The following MARCHF1 variants were observed in gnomAD, a reference collection of about 807,000 sequenced individuals.
MARCHF1 encodes membrane associated ring-CH-type finger 1.
MARCHF1 carries 40 observed loss-of-function variants against 54.2 expected under a neutral mutation model. The ratio of observed to expected loss-of-function variants is 0.74; its 90% confidence interval spans 0.57 to 0.96. The LOEUF (loss-of-function observed/expected upper bound fraction) is 0.96. Among genes scored for constraint, MARCHF1 ranks in the 40% least tolerant of loss-of-function variants. MARCHF1 has a pLI of 0.00. For missense variants in MARCHF1, 586 were observed against 656.5 expected (o/e 0.89, Z 1.17); for synonymous variants, 236 against 236.3 (o/e 1.00, Z 0.01).
At chr4:164,145,960 C>G (rs371204821) in intron 1 of MARCHF1, among the ~76,000 whole-genome samples, 8,866 of 79,746 alleles carry the variant, frequency 0.11, 630 homozygotes, top group African/African-American at 0.21. Flanking sequence ...AGCTGATAAG[C>G]AACTTCAGCA....
intron 2 of MARCHF1, among the ~76,000 whole-genome samples, chr4:164,071,558 T>C (rs548054258): frequency 6.6e-6 from 1 of 152,320 alleles, no homozygotes; most frequent in African/African-American, 2.4e-5. Flanking sequence ...TTTTATATAA[T>C]ACATATTTTT....
chr4:164,155,596 C>T (rs1303445749), intron 1 of MARCHF1, among the ~76,000 whole-genome samples: 1 of 151,938 alleles, frequency 6.6e-6, no homozygotes, highest in African/African-American at 2.4e-5. Flanking sequence ...AGTCGAATAC[C>T]ACATGTTCTC....
intron 4 of MARCHF1, among the ~76,000 whole-genome samples, chr4:163,739,884 A>C (rs1043799766): frequency 4.6e-5 from 7 of 152,192 alleles, no homozygotes; most frequent in African/African-American, 1.4e-4. Context: ...TCCTCATTAC[A>C]CACCTTACAG....
chr4:163,917,602 T>C (rs1751337918), intron 3 of MARCHF1, among the ~76,000 whole-genome samples: 1 of 152,162 alleles, frequency 6.6e-6, no homozygotes, highest in Non-Finnish European at 1.5e-5. Context: ...TTCCTGATAC[T>C]AAATTTAATT....
intron 1 of MARCHF1, among the ~76,000 whole-genome samples, chr4:164,261,450 T>C (rs1442260962): frequency 1.3e-5 from 2 of 152,140 alleles, no homozygotes; most frequent in Non-Finnish European, 2.9e-5. Context: ...CTTAAAAAAA[T>C]TATGGTAACT....
chr4:163,784,196 C>T (rs1421425604), intron 4 of MARCHF1, among the ~76,000 whole-genome samples: 2 of 146,892 alleles, frequency 1.4e-5, no homozygotes, highest in African/African-American at 2.5e-5. Flanking sequence ...AATACCTCTT[C>T]TAGATTTTTG....
At chr4:163,960,336 T>A (rs1446351360) in intron 3 of MARCHF1, among the ~76,000 whole-genome samples, 2 of 151,922 alleles carry the variant, frequency 1.3e-5, no homozygotes, top group Non-Finnish European at 2.9e-5. Context: ...AATCATTCTA[T>A]CATAAAGACA....
At chr4:164,001,162 C>A (rs1753179497) in intron 2 of MARCHF1, among the ~76,000 whole-genome samples, 1 of 151,652 alleles carries the variant, frequency 6.6e-6, no homozygotes, top group African/African-American at 2.4e-5. Flanking sequence ...ATAAATTACC[C>A]TTTAAATTAA....
intron 1 of MARCHF1, among the ~76,000 whole-genome samples, chr4:164,239,860 T>C (rs1732676844): frequency 6.6e-6 from 1 of 152,294 alleles, no homozygotes. Flanking sequence ...TTTATATTTA[T>C]GAAAATCTTT....
At chr4:163,803,387 G>A (rs1748136324) in intron 4 of MARCHF1, among the ~76,000 whole-genome samples, 1 of 149,684 alleles carries the variant, frequency 6.7e-6, no homozygotes, top group African/African-American at 2.6e-5. Flanking sequence ...TGGCCCGGCT[G>A]GTCTTGAACT....
At chr4:163,984,365 T>C (rs992542147) in intron 3 of MARCHF1, among the ~76,000 whole-genome samples, 9 of 152,222 alleles carry the variant, frequency 5.9e-5, no homozygotes, top group Admixed American at 3.3e-4. Flanking sequence ...ATGATAGCCA[T>C]GTGTGGTCAG....
chr4:164,314,591 A>T (rs1734949876), intron 1 of MARCHF1, among the ~76,000 whole-genome samples: 1 of 152,202 alleles, frequency 6.6e-6, no homozygotes, highest in Non-Finnish European at 1.5e-5. Context: ...AAAAATCCAA[A>T]CTCAACCAAA....
intron 3 of MARCHF1, among the ~76,000 whole-genome samples, chr4:163,888,496 A>C (rs972295374): frequency 6.6e-6 from 1 of 152,282 alleles, no homozygotes; most frequent in South Asian, 2.1e-4. Flanking sequence ...TCCCAAATCA[A>C]TGTTCTGGCA....
intron 5 of MARCHF1, among the ~76,000 whole-genome samples, chr4:163,642,977 G>GTA (rs1742608853): frequency 6.6e-6 from 1 of 151,776 alleles, no homozygotes. Context: ...ATGTGTGTGT[G>GTA]TATATATACA....
At chr4:163,573,919 A>C (rs1437321281) in intron 8 of MARCHF1, among the ~76,000 whole-genome samples, 2 of 149,900 alleles carry the variant, frequency 1.3e-5, no homozygotes, top group Admixed American at 1.3e-4. Context: ...ACTAGTTTAC[A>C]GTCCCACCAA....
At chr4:164,152,864 C>G (rs893589757) in intron 1 of MARCHF1, among the ~76,000 whole-genome samples, 5 of 152,084 alleles carry the variant, frequency 3.3e-5, no homozygotes, top group Non-Finnish European at 5.9e-5. Flanking sequence ...TTAAATTTAC[C>G]TATAGCCTGG....
intron 2 of MARCHF1, among the ~76,000 whole-genome samples, chr4:164,070,369 C>A (rs1005905286): frequency 1.3e-5 from 2 of 152,122 alleles, no homozygotes; most frequent in African/African-American, 2.4e-5. Flanking sequence ...ACCCCCACCC[C>A]AAGAGATTTG....
At chr4:163,890,758 C>T (rs1331088757) in intron 3 of MARCHF1, among the ~76,000 whole-genome samples, 2 of 151,958 alleles carry the variant, frequency 1.3e-5, no homozygotes, top group African/African-American at 4.8e-5. Flanking sequence ...ATCTGCCTGC[C>T]TTGGCCTCCC....
intron 1 of MARCHF1, among the ~76,000 whole-genome samples, chr4:164,150,215 G>GGA (rs1729893539): frequency 6.6e-6 from 1 of 152,148 alleles, no homozygotes; most frequent in Admixed American, 6.5e-5. Flanking sequence ...GAGTTTACCT[G>GGA]GAGAGATAAT....
Sources: allele counts gnomAD v4.1 joint callset (sites outside exome capture counted in the v4.1 genomes callset), GRCh38; gene constraint gnomAD v4.1.1; transcripts MANE v1.5; gene names NCBI Gene and HGNC (gene_info 2026-07-23, HGNC 2026-07-21).